The following DUOXA2 variants were observed in gnomAD, a reference collection of about 807,000 sequenced individuals.
DUOXA2 encodes the protein dual oxidase maturation factor 2.
Under a neutral mutation model 27.6 loss-of-function variants are expected in DUOXA2, and 22 were observed. The ratio of observed to expected loss-of-function variants is 0.80; its 90% CI spans 0.57 to 1.14. The LOEUF is 1.14. DUOXA2 is among the 50% of genes most tolerant of loss of function. DUOXA2 has a pLI of 0.00. For synonymous variants in DUOXA2, 188 were observed against 184.4 expected, an observed-to-expected ratio of 1.02 and a Z score of -0.16; for missense variants, 481 against 419.9, an observed-to-expected ratio of 1.15 and a Z score of -1.27.
At position 45,116,468 on chromosome 15, in the gene DUOXA2, CG is replaced by C. The variant is rs750469304; in HGVS notation, c.341-47del. ...TTTCCTGTCTGAATCCGCTTAGTTG[CG>C]AGGTCTCCGACCGCGGGCAGCCCCA... On this transcript the variant is annotated intron_variant, in intron 3 of 5. Coordinates refer to ENST00000323030, the MANE Select transcript of DUOXA2 (RefSeq NM_207581.4). 3.7e-6 allele frequency: 6 copies of C among 1,604,634 alleles called. No homozygotes were observed. The South Asian group carries it at 6.6e-5, about 18-fold the overall frequency.
At chr15:45,116,056 T>A (rs985689691) in intron 2 of DUOXA2, 68 bp from the exon 3 acceptor site, 138 of 1,611,644 alleles carry the variant, frequency 8.6e-5, no homozygotes, top group South Asian at 8.0e-4. Context: ...GTGTCCCACC[T>A]CCCATACCAC....
intron 1 of DUOXA2, 70 bp downstream of exon 1, chr15:45,114,822 A>C (rs1440247049): frequency 2.0e-5 from 32 of 1,608,194 alleles, no homozygotes; most frequent in Non-Finnish European, 2.7e-5. Context: ...TGAGGGACCC[A>C]GGACAGGTAA....
At chr15:45,116,284 T>C (rs1452500925) in intron 3 of DUOXA2, 26 bp downstream of exon 3, 13 of 1,611,956 alleles carry the variant, frequency 8.1e-6, no homozygotes, top group African/African-American at 1.3e-5. Context: ...CTAAATGAAC[T>C]CCTGGAGCTG....
chr15:45,116,118 C>G lies in DUOXA2; in HGVS notation c.206-6C>G, dbSNP rs190250575. ...TCCCACCCCCACCGTGTGCCTTTCC[C>G]TACAGCTGTGCACTTCAGTGCAGAA... is the stretch of plus-strand genomic sequence containing the variant. On this transcript the variant is annotated splice_region_variant and splice_polypyrimidine_tract_variant and intron_variant, in intron 2 of 5. Transcript: ENST00000323030. 1.7e-5 allele frequency: 27 copies of G among 1,614,060 alleles called. No individual in the cohort carries two copies. The East Asian group carries it at 5.6e-4, about 33-fold the overall frequency.
At chr15:45,114,900 C>CT in intron 1 of DUOXA2, 148 bp downstream of exon 1, 1 of 1,211,296 alleles carries the variant, frequency 8.3e-7, no homozygotes, top group Non-Finnish European at 1.2e-6. Flanking sequence ...GAGTCTGGTG[C>CT]AGCAAGCACC....
intron 3 of DUOXA2, 54 bp downstream of exon 3, chr15:45,116,312 T>G: frequency 6.2e-7 from 1 of 1,608,902 alleles, no homozygotes; most frequent in Non-Finnish European, 8.5e-7. Flanking sequence ...CCCGGTTAGG[T>G]GAGTGTGTCA....
chr15:45,117,820 G>C lies in DUOXA2; in HGVS notation c.874G>C (p.Glu292Gln), dbSNP rs1456572488. 1 of 1,613,908 alleles carries C rather than the reference G, an allele frequency of 6.2e-7. No homozygotes were observed. Residue 292 changes from glutamate to glutamine, a missense_variant, in exon 6 of 6, where the codon GAG becomes CAG. Transcript: ENST00000323030. ...CCAAAGCGCCAAGGACTGCAGCCAG[G>C]AGAGAGGGGGCTCACCTCTTATCCT... The part of the protein sequence containing the change: ...LDQSAKDCSQ[E>Q]RGGSPLILGD...
At chr15:45,115,528 G>A (rs1418422579) in intron 1 of DUOXA2, 1 of 639,474 alleles carries the variant, frequency 1.6e-6, no homozygotes, top group Middle Eastern at 2.4e-4. Flanking sequence ...GACAGCTAGG[G>A]GAGTGAAGGT....
At position 45,116,265 on chromosome 15, in the gene DUOXA2, G is replaced by C. The variant is rs1894625693; in HGVS notation, c.340+7G>C. 1 of 1,613,558 alleles carries C rather than the reference G, an allele frequency of 6.2e-7. No individual in the cohort carries two copies. ...ATTAATATTACACTCACAGGTGAGG[G>C]GGCTGGGGCTAAATGAACTCCTGGA... On this transcript the variant is annotated splice_region_variant and intron_variant, in intron 3 of 5. Transcript: ENST00000323030.
At chr15:45,115,034 G>C (rs1894568952) in intron 1 of DUOXA2, among the ~76,000 whole-genome samples, 1 of 152,192 alleles carries the variant, frequency 6.6e-6, no homozygotes, top group African/African-American at 2.4e-5. Context: ...AACAGTCTAG[G>C]CTTCTTGTGC....
chr15:45,116,227 G>C lies in DUOXA2; in HGVS notation c.309G>C (p.Val103=), dbSNP rs768659511. The C allele has an allele frequency of 2.5e-6, 4 of 1,614,058 alleles. No individual in the cohort carries two copies. Among genetic ancestry groups the C allele is most frequent in the Non-Finnish European group, 3.4e-6 (4 of 1,180,016 alleles). The change falls in exon 3 of 6, where the codon GTG becomes GTC. Residue 103 remains valine, a synonymous_variant. Transcript: ENST00000323030. ...TTACAGCCCGTGTCCGTCTGCTCGT[G>C]GGCCTGGAGGGCATTAATATTACAC... The part of the protein sequence containing the change: ...ARVTARVRLL[V]GLEGINITLT...
At chr15:45,116,792 G>A (rs74453607) in intron 4 of DUOXA2, 63 bp downstream of exon 4, 8 of 1,574,964 alleles carry the variant, frequency 5.1e-6, no homozygotes, top group Non-Finnish European at 6.9e-6. Flanking sequence ...CCGTATGAGC[G>A]GGAGGATGCA....
intron 1 of DUOXA2, among the ~76,000 whole-genome samples, chr15:45,115,196 T>C (rs745757522): frequency 6.6e-6 from 1 of 152,192 alleles, no homozygotes; most frequent in Admixed American, 6.5e-5. Context: ...GGGTGCCTCA[T>C]CCTCAGGACT....
At position 45,117,141 on chromosome 15, in the gene DUOXA2, C is replaced by T. The variant is rs773353823; in HGVS notation, c.605C>T (p.Ala202Val). ...TCCAACGTGCTGCTCTCCACGCCGG[C>T]CCCGCTCTACGGAGGCCTGGCACTG... ...LLSNVLLSTP[A>V]PLYGGLALLT... The change falls in exon 5 of 6, where the codon GCC (alanine) becomes GTC (valine). Residue 202 changes from alanine (A) to valine (V), a missense_variant. Physicochemically the swap from Ala to Val is moderately conservative, Grantham distance 64 (BLOSUM62 0). Coordinates refer to ENST00000323030, the MANE Select transcript of DUOXA2 (RefSeq NM_207581.4). 1.2e-6 allele frequency: 2 copies of T among 1,602,060 alleles called. No individual in the cohort carries two copies. The highest frequency in any genetic ancestry group is 1.1e-5 in the South Asian group (1 of 91,024).
rs1226668388 is a variant in DUOXA2 at position 45,116,672 on chromosome 15, C to A, written c.497C>A (p.Pro166His). 6.2e-7 allele frequency: 1 copy of A among 1,613,648 alleles called. No individual in the cohort carries two copies. The highest frequency in any genetic ancestry group is 1.3e-5 in the African/African-American group (1 of 74,944). The change falls in exon 4 of 6, where the codon CCT (proline) becomes CAT (histidine). Residue 166 changes from proline to histidine, a missense_variant. By Grantham distance (77) the Pro-to-His change is moderately conservative (BLOSUM62 -2). Coordinates refer to ENST00000323030, the MANE Select transcript of DUOXA2 (RefSeq NM_207581.4). ...YLAEKFTPSS[P>H]CGLYHQYHLA... ...GCGGAGAAGTTCACACCGAGTAGCC[C>A]TTGCGGCCTGTACCACCAGTACCAC...
rs1347956392 is a variant in DUOXA2 at position 45,117,079 on chromosome 15, A to G, written c.555-12A>G. 6.3e-7 allele frequency: 1 copy of G among 1,597,644 alleles called. No homozygotes were observed. Among genetic ancestry groups the G allele is most frequent in the East Asian group, 2.2e-5 (1 of 44,810 alleles). ...AAGCCCGCTCACAGCGGGTCCCCCCACTCCCCGGCAGGGTGGCGTTCTGCT... is the reference window on the plus strand; with the variant it reads ...AAGCCCGCTCACAGCGGGTCCCCCCGCTCCCCGGCAGGGTGGCGTTCTGCT... On this transcript the variant is annotated splice_polypyrimidine_tract_variant and intron_variant, in intron 4 of 5. Transcript: ENST00000323030.
At chr15:45,117,469 G>T in intron 5 of DUOXA2, 164 bp downstream of exon 5, 2 of 1,548,550 alleles carry the variant, frequency 1.3e-6, no homozygotes, top group East Asian at 2.4e-5. Flanking sequence ...CAGATGAAAA[G>T]TGGGGGGCTC....
In DUOXA2 at chr15:45,118,082, C is replaced by CT; in HGVS notation, c.*180dup. ...CTCCTGGGGCGATCTGTAAATAAAC[C>CT]TTTTTTTCTTTTGTTTTTTAAAAAC... On this transcript the variant is annotated 3_prime_UTR_variant, in exon 6 of 6. Transcript: ENST00000323030. 1 of 1,522,376 alleles carries CT rather than the reference C, an allele frequency of 6.6e-7. No individual in the cohort carries two copies. The highest frequency in any genetic ancestry group is 8.8e-7 in the Non-Finnish European group (1 of 1,137,342). 94.3% of individuals were successfully genotyped at this position (1,522,376 alleles called of 1,614,324 possible).
chr15:45,115,965 A>C (rs989902290), intron 2 of DUOXA2, 109 bp downstream of exon 2: 111 of 1,590,752 alleles, frequency 7.0e-5, no homozygotes, highest in Non-Finnish European at 9.2e-5. Context: ...CCCTCTTCCC[A>C]CTCTCCAGCT....
Sources: allele counts gnomAD v4.1 joint callset (sites outside exome capture counted in the v4.1 genomes callset), GRCh38; gene constraint gnomAD v4.1.1; transcripts MANE v1.5; gene names NCBI Gene and HGNC (gene_info 2026-07-23, HGNC 2026-07-21).